The following TMEM132D variants were observed in gnomAD, a reference collection of about 807,000 sequenced individuals.
TMEM132D encodes the protein transmembrane protein 132D.
TMEM132D carries 21 observed loss-of-function variants against 62.3 expected under a neutral mutation model. The ratio of observed to expected loss-of-function variants is 0.34; its 90% confidence interval spans 0.24 to 0.49. The LOEUF is 0.49. TMEM132D is among the 20% of genes least tolerant of loss of function. The probability of loss-of-function intolerance (pLI) is 0.99; values close to 1 mark genes in which losing one functional copy is unlikely to be tolerated. For missense variants in TMEM132D, 1,346 were observed against 1,402.8 expected, an observed-to-expected ratio of 0.96 and a Z score of 0.65; for synonymous variants, 621 against 575.6, an observed-to-expected ratio of 1.08 and a Z score of -1.13.
At chr12:129,410,745 A>T (rs1454834365) in intron 3 of TMEM132D, among the ~76,000 whole-genome samples, 1 of 152,162 alleles carries the variant, frequency 6.6e-6, no homozygotes, top group Non-Finnish European at 1.5e-5. Flanking sequence ...GAATTTATAT[A>T]TTTTTTTAAC....
intron 3 of TMEM132D, among the ~76,000 whole-genome samples, chr12:129,454,080 T>C (rs539654297): frequency 6.6e-6 from 1 of 152,368 alleles, no homozygotes; most frequent in African/African-American, 2.4e-5. Context: ...TAAATCTCTG[T>C]CTAGTTTGAT....
At chr12:129,835,519 G>T (rs1784420489) in intron 1 of TMEM132D, among the ~76,000 whole-genome samples, 1 of 152,022 alleles carries the variant, frequency 6.6e-6, no homozygotes, top group Non-Finnish European at 1.5e-5. Flanking sequence ...TCGAACTCCT[G>T]ACCTCAAATG....
Position 129,383,809 on chromosome 12 carries a change from T to G in TMEM132D, c.1116-45992A>C, listed in dbSNP as rs1033824413. ...CAATGGTTCTTGCCCTCACTGGGCG[T>G]CAGATTCACATGGATAACTTAAGAA... On this transcript the variant is annotated intron_variant, in intron 3 of 8. Coordinates refer to ENST00000422113, the MANE Select transcript of TMEM132D (RefSeq NM_133448.3). Among the ~76,000 whole-genome samples, 64 of 152,152 alleles carry G rather than the reference T, an allele frequency of 4.2e-4. 1 individual carries two copies. The highest frequency in any genetic ancestry group is 1.0e-4 in the Non-Finnish European group (7 of 68,018).
intron 1 of TMEM132D, among the ~76,000 whole-genome samples, chr12:129,747,434 ACACACT>A (rs902751245): frequency 7.3e-5 from 11 of 149,660 alleles, no homozygotes; most frequent in African/African-American, 2.5e-4. Context: ...ACACAGACAC[ACACACT>A]CTCAGTCACC....
At chr12:129,726,982 G>C (rs1316401780) in intron 1 of TMEM132D, among the ~76,000 whole-genome samples, 1 of 152,176 alleles carries the variant, frequency 6.6e-6, no homozygotes. Context: ...CCACCTCAGT[G>C]TGGATTTATT....
intron 1 of TMEM132D, among the ~76,000 whole-genome samples, chr12:129,756,956 C>G (rs1445742023): frequency 6.6e-6 from 1 of 152,184 alleles, no homozygotes; most frequent in Admixed American, 6.5e-5. Flanking sequence ...GTCTCCCTCC[C>G]TCTTCCTGTT....
At chr12:129,129,996 C>T (rs1356267123) in intron 5 of TMEM132D, among the ~76,000 whole-genome samples, 3 of 142,912 alleles carry the variant, frequency 2.1e-5, no homozygotes, top group African/African-American at 7.6e-5. Context: ...CATGCAAGCT[C>T]AAAAATCAAA....
At chr12:129,220,045 T>C (rs1879309549) in intron 4 of TMEM132D, among the ~76,000 whole-genome samples, 1 of 152,208 alleles carries the variant, frequency 6.6e-6, no homozygotes, top group South Asian at 2.1e-4. Context: ...TCAAAACATC[T>C]TGCAAATAAT....
At position 129,304,767 on chromosome 12, in the gene TMEM132D, G is replaced by C. The variant is rs147923886; in HGVS notation, c.1299+32867C>G. Among the ~76,000 whole-genome samples, 1,197 of 147,974 alleles carry C rather than the reference G, an allele frequency of 8.1e-3. 40 individuals are homozygous for C. The highest frequency in any genetic ancestry group is 0.056 in the Admixed American group (804 of 14,462). ...AAATCTCCGCTTCCCAGGTTCAAGT[G>C]ATTGTCATGCCTCAGCCTCTCAAGT... On this transcript the variant is annotated intron_variant, in intron 4 of 8. Transcript: ENST00000422113.
intron 3 of TMEM132D, among the ~76,000 whole-genome samples, chr12:129,515,993 C>A (rs1875662571): frequency 6.6e-6 from 1 of 152,188 alleles, no homozygotes; most frequent in Admixed American, 6.5e-5. Context: ...ATATTCCTTT[C>A]TCTCCCCTAC....
intron 1 of TMEM132D, among the ~76,000 whole-genome samples, chr12:129,868,052 A>ACAGCGTTTCTATGGTACACACGAGG (rs1874113138): frequency 6.6e-6 from 1 of 151,326 alleles, no homozygotes; most frequent in Non-Finnish European, 1.5e-5. Context: ...CACACATGAG[A>ACAGCGTTTCTATGGTACACACGAGG]CAGCGTTTCT....
chr12:129,753,022 C>G (rs1297788255), intron 1 of TMEM132D, among the ~76,000 whole-genome samples: 3 of 152,324 alleles, frequency 2.0e-5, no homozygotes, highest in South Asian at 2.1e-4. Context: ...CCTGTGCATA[C>G]GGATTTTAGT....
At chr12:129,233,171 T>C (rs374578484) in intron 4 of TMEM132D, among the ~76,000 whole-genome samples, 2 of 152,242 alleles carry the variant, frequency 1.3e-5, no homozygotes, top group African/African-American at 4.8e-5. Context: ...TAACTTACTT[T>C]TAAAATTGTC....
chr12:129,178,493 T>C (rs1877972208), intron 5 of TMEM132D, among the ~76,000 whole-genome samples: 1 of 151,726 alleles, frequency 6.6e-6, no homozygotes. Context: ...TGAGATGGTA[T>C]CTCATTGTGG....
intron 4 of TMEM132D, among the ~76,000 whole-genome samples, chr12:129,330,569 T>A (rs1869071279): frequency 6.6e-6 from 1 of 152,062 alleles, no homozygotes; most frequent in Admixed American, 6.5e-5. Context: ...GATGAATGGG[T>A]TATCATGGGA....
Position 129,903,521 on chromosome 12 carries a change from C to T in TMEM132D, c.-182G>A. 1 of 618,522 alleles carries T rather than the reference C, an allele frequency of 1.6e-6. No homozygotes were observed. Among genetic ancestry groups the T allele is most frequent in the East Asian group, 2.8e-5 (1 of 35,702 alleles). 38.3% of individuals were successfully genotyped at this position (618,522 alleles called of 1,614,324 possible). A position where few individuals can be genotyped will look rare whatever the true frequency, so the allele number is the denominator to read the frequency against. On this transcript the variant is annotated 5_prime_UTR_variant, in exon 1 of 9. Coordinates refer to ENST00000422113, the MANE Select transcript of TMEM132D (RefSeq NM_133448.3). This position sits in a 1 kb window ranked among gnomAD's most constrained non-coding sequence, Gnocchi z 6.2. ...AGTCCATGGCCAGGCCGGGAGGCGA[C>T]GACCGCGCGGGCTCCTGAGTTGCTC... is the stretch of plus-strand genomic sequence containing the variant.
At chr12:129,786,495 G>T (rs1036151420) in intron 1 of TMEM132D, among the ~76,000 whole-genome samples, 1 of 152,222 alleles carries the variant, frequency 6.6e-6, no homozygotes, top group Non-Finnish European at 1.5e-5. Flanking sequence ...GAGCGAAGAC[G>T]AACCTTCATG....
chr12:129,513,983 G>T (rs572854249), intron 3 of TMEM132D, among the ~76,000 whole-genome samples: 3 of 149,666 alleles, frequency 2.0e-5, no homozygotes, highest in Non-Finnish European at 3.0e-5. Flanking sequence ...GACTACAGGC[G>T]CCCGCCACCA....
At chr12:129,297,352 A>C (rs2135624312) in intron 4 of TMEM132D, among the ~76,000 whole-genome samples, 1 of 152,326 alleles carries the variant, frequency 6.6e-6, no homozygotes, top group African/African-American at 2.4e-5. Flanking sequence ...AGTGGGTTCA[A>C]GGCAAGCCAT....
Sources: allele counts gnomAD v4.1 joint callset (sites outside exome capture counted in the v4.1 genomes callset), GRCh38; gene constraint gnomAD v4.1.1; non-coding constraint Gnocchi (gnomAD v3.1); transcripts MANE v1.5; gene names NCBI Gene and HGNC (gene_info 2026-07-23, HGNC 2026-07-21).